Variants in ADARB2 observed in about 807,000 individuals in gnomAD.
ADARB2 encodes adenosine deaminase RNA specific B2 (inactive).
ADARB2 carries 25 observed loss-of-function variants against 62.2 expected under a neutral mutation model. That is an observed-to-expected ratio of 0.40 (90% CI 0.29 to 0.56). The LOEUF is 0.56. Ranked by LOEUF, ADARB2 falls within the 20% of genes least tolerant of loss-of-function variation. The probability of loss-of-function intolerance (pLI) is 0.43; values close to 1 mark genes in which losing one functional copy is unlikely to be tolerated. For synonymous variants in ADARB2, 572 were observed against 500.8 expected, an observed-to-expected ratio of 1.14 and a Z score of -1.90; for missense variants, 1,071 against 1,077.4, an observed-to-expected ratio of 0.99 and a Z score of 0.08.
intron 1 of ADARB2, among the ~76,000 whole-genome samples, chr10:1,683,931 A>G (rs1341216962): frequency 2.0e-5 from 3 of 152,236 alleles, no homozygotes; most frequent in East Asian, 3.9e-4. Flanking sequence ...GTGCCCTCTC[A>G]AAAGGACTGT....
At chr10:1,186,543 C>T in intron 8 of ADARB2, 1 of 519,058 alleles carries the variant, frequency 1.9e-6, no homozygotes, top group Non-Finnish European at 3.8e-6. Flanking sequence ...GTGTCTCCCT[C>T]TCATTCATGC....
chr10:1,567,972 A>G (rs780512556), intron 1 of ADARB2, among the ~76,000 whole-genome samples: 6 of 152,192 alleles, frequency 3.9e-5, no homozygotes, highest in African/African-American at 7.2e-5. Flanking sequence ...GCATCACCCC[A>G]TCTGGAGCAG....
intron 3 of ADARB2, among the ~76,000 whole-genome samples, chr10:1,320,183 T>G (rs1831782575): frequency 6.6e-6 from 1 of 152,182 alleles, no homozygotes; most frequent in Non-Finnish European, 1.5e-5. Context: ...TGAAGTTGAG[T>G]CCCTCCCATG....
Position 1,572,118 on chromosome 10 carries a change from A to C in ADARB2, c.100+164933T>G, listed in dbSNP as rs907115246. Among the ~76,000 whole-genome samples, 8 of 142,084 alleles carry C rather than the reference A, an allele frequency of 5.6e-5. No individual in the cohort carries two copies. In the East Asian group the frequency reaches 1.5e-3, roughly 27 times the overall value. 93.2% of individuals were successfully genotyped at this position (142,084 alleles called of 152,430 possible). A position where few individuals can be genotyped will look rare whatever the true frequency, so the allele number is the denominator to read the frequency against. On this transcript the variant is annotated intron_variant, in intron 1 of 9. Transcript: ENST00000381312. ...GAGTGTGCAGGTGAGTGGACAGGTG[A>C]GTAGGCAGGTGAGTGTGCAGGTGAG...
rs1259034029 is a variant in ADARB2, at chr10:1,704,537, C to T, written c.100+32514G>A. On this transcript the variant is annotated intron_variant, in intron 1 of 9. Transcript: ENST00000381312. This position sits in a 1 kb window ranked among gnomAD's most constrained non-coding sequence, Gnocchi z 5.6. ...ACATAATGTGAGTGGCAGAGAGTGGCTGTAAATATAGATGAAGCCTTGCTC... is the reference window on the plus strand; with the variant it reads ...ACATAATGTGAGTGGCAGAGAGTGGTTGTAAATATAGATGAAGCCTTGCTC... Among the ~76,000 whole-genome samples, 3 of 152,150 alleles carry T rather than the reference C, an allele frequency of 2.0e-5. No individual in the cohort carries two copies. The highest frequency in any genetic ancestry group is 2.1e-4 in the South Asian group (1 of 4,832).
At chr10:1,322,801 G>T (rs1012836895) in intron 3 of ADARB2, among the ~76,000 whole-genome samples, 2 of 152,074 alleles carry the variant, frequency 1.3e-5, no homozygotes, top group Non-Finnish European at 2.9e-5. Flanking sequence ...GTTACTTAAG[G>T]AAAAAACATT....
chr10:1,420,612 G>GAAA (rs869094551), intron 1 of ADARB2, among the ~76,000 whole-genome samples: 18 of 120,418 alleles, frequency 1.5e-4, no homozygotes, highest in East Asian at 4.1e-4. Context: ...CAGAAAGAGG[G>GAAA]AAAAAAAAAA....
intron 3 of ADARB2, among the ~76,000 whole-genome samples, chr10:1,329,069 T>C (rs4880821): frequency 6.6e-6 from 1 of 150,722 alleles, no homozygotes; most frequent in Non-Finnish European, 1.5e-5. Context: ...ACATATCTGG[T>C]TCAGACACAC....
At chr10:1,628,687 T>A (rs1833802763) in intron 1 of ADARB2, among the ~76,000 whole-genome samples, 1 of 152,278 alleles carries the variant, frequency 6.6e-6, no homozygotes, top group South Asian at 2.1e-4. Context: ...TGAGCTATTT[T>A]AGCATGGATC....
chr10:1,383,830 G>C lies in ADARB2; in HGVS notation c.101-4670C>G, dbSNP rs183637013. On this transcript the variant is annotated intron_variant, in intron 1 of 9. Transcript: ENST00000381312. ...CAGTTGCCTTCCACACTGAGCAAAG[G>C]CTGCTTAAGGAGATCCTCATTTTCC... 2.6e-5 allele frequency among the ~76,000 whole-genome samples: 4 copies of C among 152,322 alleles called. No individual in the cohort carries two copies. The East Asian group carries it at 7.7e-4, about 29-fold the overall frequency.
intron 1 of ADARB2, among the ~76,000 whole-genome samples, chr10:1,504,163 A>T (rs1831804345): frequency 6.6e-6 from 1 of 152,100 alleles, no homozygotes; most frequent in African/African-American, 2.4e-5. Context: ...CTTCACTTCC[A>T]TGCTGAGGTC....
At chr10:1,211,238 A>G (rs1464129633) in intron 7 of ADARB2, among the ~76,000 whole-genome samples, 1 of 152,098 alleles carries the variant, frequency 6.6e-6, no homozygotes, top group Non-Finnish European at 1.5e-5. Context: ...TCTGTCATCT[A>G]TTATCTGTCA....
At chr10:1,544,455 G>A (rs932130078) in intron 1 of ADARB2, among the ~76,000 whole-genome samples, 10 of 152,204 alleles carry the variant, frequency 6.6e-5, no homozygotes, top group South Asian at 2.1e-4. Flanking sequence ...CACACGGGAC[G>A]TGGACTAGCT....
At chr10:1,465,876 C>T (rs1393718924) in intron 1 of ADARB2, among the ~76,000 whole-genome samples, 1 of 152,246 alleles carries the variant, frequency 6.6e-6, no homozygotes, top group African/African-American at 2.4e-5. Flanking sequence ...CGCGCTGACT[C>T]GTCTTTCAGA....
At chr10:1,188,067 C>T (rs1836786412) in intron 8 of ADARB2, 1 of 156,606 alleles carries the variant, frequency 6.4e-6, no homozygotes, top group Non-Finnish European at 1.4e-5. Context: ...AAAATGCACC[C>T]CAGGGGCCTC....
intron 3 of ADARB2, among the ~76,000 whole-genome samples, chr10:1,294,135 G>C (rs1171927514): frequency 6.6e-6 from 1 of 152,190 alleles, no homozygotes; most frequent in East Asian, 1.9e-4. Flanking sequence ...TACGAGAATA[G>C]ATCATTTGAG....
chr10:1,341,356 C>T lies in ADARB2; in HGVS notation c.1077+21672G>A, dbSNP rs185381128. ...CACCAGAGAACAACGTGCCCTGCAA[C>T]GGCGATAATCAGCATCAGCCAGAGA... On this transcript the variant is annotated intron_variant, in intron 3 of 9. Coordinates refer to ENST00000381312, the MANE Select transcript of ADARB2 (RefSeq NM_018702.4). Among the ~76,000 whole-genome samples the T allele has an allele frequency of 3.0e-4, 44 of 146,274 alleles. No individual in the cohort carries two copies. In the South Asian group the frequency reaches 3.2e-3, roughly 10 times the overall value.
intron 4 of ADARB2, among the ~76,000 whole-genome samples, chr10:1,259,844 C>G (rs1212243863): frequency 3.3e-5 from 5 of 151,982 alleles, no homozygotes; most frequent in African/African-American, 9.7e-5. Flanking sequence ...AGAGACACAA[C>G]AAAAAAAGAG....
At chr10:1,251,882 C>A (rs1831040557) in intron 4 of ADARB2, among the ~76,000 whole-genome samples, 1 of 152,138 alleles carries the variant, frequency 6.6e-6, no homozygotes, top group Non-Finnish European at 1.5e-5. Context: ...GATGTAGCAA[C>A]AAGGCACCAT....
Sources: allele counts gnomAD v4.1 joint callset (sites outside exome capture counted in the v4.1 genomes callset), GRCh38; gene constraint gnomAD v4.1.1; non-coding constraint Gnocchi (gnomAD v3.1); transcripts MANE v1.5; gene names NCBI Gene and HGNC (gene_info 2026-07-23, HGNC 2026-07-21).